Variants in CCDC146 observed in about 807,000 individuals in gnomAD.
CCDC146 encodes coiled-coil domain containing 146.
Under a neutral mutation model 119.3 loss-of-function variants are expected in CCDC146, and 92 were observed. The observed-to-expected ratio is 0.77, with a 90% CI of 0.65 to 0.92. The LOEUF (loss-of-function observed/expected upper bound fraction) is 0.92, where lower values mean the gene tolerates loss of function less well. Among genes scored for constraint, CCDC146 ranks in the 40% least tolerant of loss-of-function variants. CCDC146 has a pLI of 0.00. For synonymous variants in CCDC146, 372 were observed against 371.8 expected (o/e 1.00, Z -0.01); for missense variants, 1,000 against 1,103.0 (o/e 0.91, Z 1.32).
At chr7:77,123,212 G>A (rs1172692852) in intron 1 of CCDC146, among the ~76,000 whole-genome samples, 4 of 148,316 alleles carry the variant, frequency 2.7e-5, no homozygotes, top group African/African-American at 1.0e-4. Flanking sequence ...TGATCTCTTT[G>A]ACTACAAATG....
intron 2 of CCDC146, chr7:77,199,550 C>T (rs1179870505): frequency 6.2e-7 from 1 of 1,614,126 alleles, no homozygotes; most frequent in Non-Finnish European, 8.5e-7. Flanking sequence ...AGGTTTTGGA[C>T]TTCTTTGAAC....
chr7:77,207,075 A>T (rs1027155930), intron 2 of CCDC146, among the ~76,000 whole-genome samples: 8 of 152,192 alleles, frequency 5.3e-5, no homozygotes, highest in African/African-American at 1.9e-4. Flanking sequence ...TTGAAAGGCC[A>T]TTTCCACTGT....
intron 3 of CCDC146, among the ~76,000 whole-genome samples, chr7:77,238,537 C>T (rs749149830): frequency 1.3e-5 from 2 of 152,156 alleles, no homozygotes; most frequent in Non-Finnish European, 2.9e-5. Context: ...CTGCCTCAGA[C>T]TCTTGAGTAG....
chr7:77,260,840 A>G (rs1165009945), intron 8 of CCDC146, among the ~76,000 whole-genome samples: 1 of 151,980 alleles, frequency 6.6e-6, no homozygotes, highest in East Asian at 1.9e-4. Flanking sequence ...CATGTTGGCC[A>G]GGTGGTCTCG....
chr7:77,241,072 G>T (rs149803442), intron 3 of CCDC146, among the ~76,000 whole-genome samples: 1 of 52,796 alleles, frequency 1.9e-5, no homozygotes, highest in Non-Finnish European at 4.8e-5. Context: ...GCTCAATCTC[G>T]GCTGAGATGG....
At chr7:77,212,387 C>T (rs184713832) in intron 2 of CCDC146, among the ~76,000 whole-genome samples, 7 of 151,854 alleles carry the variant, frequency 4.6e-5, no homozygotes, top group Admixed American at 1.3e-4. Flanking sequence ...TTTAGGAGGC[C>T]GAGGTGGGCG....
chr7:77,240,827 T>C (rs551577502), intron 3 of CCDC146, among the ~76,000 whole-genome samples: 275 of 152,316 alleles, frequency 1.8e-3, no homozygotes, highest in Non-Finnish European at 3.3e-3. Context: ...CTTCAGATTT[T>C]CAACAGTTTT....
At chr7:77,171,343 A>G (rs1441534126) in intron 2 of CCDC146, among the ~76,000 whole-genome samples, 1 of 152,172 alleles carries the variant, frequency 6.6e-6, no homozygotes, top group Admixed American at 6.5e-5. Flanking sequence ...TAACTGTGAT[A>G]AAACTTAATG....
At chr7:77,212,821 T>G (rs1792213726) in intron 2 of CCDC146, among the ~76,000 whole-genome samples, 1 of 151,962 alleles carries the variant, frequency 6.6e-6, no homozygotes, top group South Asian at 2.1e-4. Flanking sequence ...AATAGAAAAT[T>G]TTTTTTAAGA....
intron 9 of CCDC146, among the ~76,000 whole-genome samples, chr7:77,263,807 C>T (rs1239041823): frequency 3.9e-5 from 6 of 152,096 alleles, no homozygotes; most frequent in Non-Finnish European, 8.8e-5. Context: ...ACCCATGATC[C>T]CAGCTACTTG....
intron 1 of CCDC146, among the ~76,000 whole-genome samples, chr7:77,123,787 T>C (rs3864643): frequency 0.42 from 64,171 of 151,534 alleles, 13,762 homozygotes; most frequent in Middle Eastern, 0.5. Context: ...AAAAATTCAG[T>C]GTTCTCTTAA....
chr7:77,199,423 T>C (rs765321540), intron 2 of CCDC146: 6 of 1,614,108 alleles, frequency 3.7e-6, no homozygotes, highest in Middle Eastern at 3.3e-4. Context: ...ATCACCAACC[T>C]CTCCCGGGGC....
intron 2 of CCDC146, among the ~76,000 whole-genome samples, chr7:77,208,251 G>T (rs1792115731): frequency 6.6e-6 from 1 of 152,324 alleles, no homozygotes; most frequent in African/African-American, 2.4e-5. Flanking sequence ...AGTATCTACA[G>T]TCATGAGTCT....
intron 2 of CCDC146, among the ~76,000 whole-genome samples, chr7:77,208,485 A>C (rs1748374214): frequency 6.6e-6 from 1 of 152,238 alleles, no homozygotes; most frequent in South Asian, 2.1e-4. Context: ...GTATCTAAAA[A>C]AAGGCACAGT....
intron 1 of CCDC146, among the ~76,000 whole-genome samples, chr7:77,126,149 GA>G (rs1185344714): frequency 6.6e-6 from 1 of 152,098 alleles, no homozygotes; most frequent in Non-Finnish European, 1.5e-5. Context: ...AATTTGCTTA[GA>G]CTTTTTATCA....
At chr7:77,192,231 A>C (rs1208974288) in intron 2 of CCDC146, among the ~76,000 whole-genome samples, 1 of 152,118 alleles carries the variant, frequency 6.6e-6, no homozygotes, top group African/African-American at 2.4e-5. Flanking sequence ...ATGATTTTTA[A>C]ATATATATGT....
At chr7:77,138,071 C>T (rs568086794) in intron 1 of CCDC146, among the ~76,000 whole-genome samples, 10 of 151,656 alleles carry the variant, frequency 6.6e-5, no homozygotes, top group African/African-American at 2.2e-4. Context: ...TGTTATTCCT[C>T]GTATGGTGGA....
At chr7:77,230,360 T>C (rs933520477) in intron 2 of CCDC146, among the ~76,000 whole-genome samples, 11 of 152,206 alleles carry the variant, frequency 7.2e-5, no homozygotes, top group Non-Finnish European at 1.5e-4. Flanking sequence ...CATGAAGAGC[T>C]TACTTTATTA....
rs1793713189 is a variant in CCDC146, at chr7:77,279,092, G to A, written c.1685G>A (p.Ser562Asn). 6.2e-7 allele frequency: 1 copy of A among 1,610,292 alleles called. No homozygotes were observed. Among genetic ancestry groups the A allele is most frequent in the Non-Finnish European group, 8.5e-7 (1 of 1,178,596 alleles). Reference protein sequence around the residue: ...ELEILRNSAVSQERKLQNSML... With the variant: ...ELEILRNSAVNQERKLQNSML... ...GAAATTCTGAGAAATAGTGCCGTTA[G>A]TCAAGAAAGGTAAGTGTTATAATAA... is the stretch of plus-strand genomic sequence containing the variant. The change falls in exon 13 of 19, where the codon AGT (serine) becomes AAT (asparagine). Residue 562 changes from serine to asparagine, a missense_variant. Ser to Asn is a conservative substitution (Grantham distance 46, BLOSUM62 1). Coordinates refer to ENST00000285871, the MANE Select transcript of CCDC146 (RefSeq NM_020879.3).
Sources: allele counts gnomAD v4.1 joint callset (sites outside exome capture counted in the v4.1 genomes callset), GRCh38; gene constraint gnomAD v4.1.1; transcripts MANE v1.5; gene names NCBI Gene and HGNC (gene_info 2026-07-23, HGNC 2026-07-21).